Variants in CCDC57 observed in about 807,000 individuals in gnomAD.
CCDC57 encodes the protein coiled-coil domain-containing protein 57.
Under a neutral mutation model 118.9 loss-of-function variants are expected in CCDC57, and 118 were observed. The ratio of observed to expected loss-of-function variants is 0.99; its 90% CI spans 0.86 to 1.16. The LOEUF is 1.16. Ranked by LOEUF, CCDC57 falls within the 50% of genes most tolerant of loss-of-function variation. The pLI, the probability that CCDC57 is intolerant of heterozygous loss-of-function variation, is 0.00. For synonymous variants in CCDC57, 527 were observed against 532.9 expected (o/e 0.99, Z 0.15); for missense variants, 1,300 against 1,320.7 (o/e 0.98, Z 0.24).
rs201998564 is a variant in CCDC57, at chr17:82,151,395, A to G, written c.2455+165T>C. Among the ~76,000 whole-genome samples the G allele has an allele frequency of 1.1e-3, 114 of 103,432 alleles. 2 individuals carry two copies. The highest frequency in any genetic ancestry group is 3.7e-3 in the African/African-American group (100 of 27,120). 67.9% of individuals were successfully genotyped at this position (103,432 alleles called of 152,430 possible). On this transcript the variant is annotated intron_variant, in intron 16 of 19. Transcript: ENST00000665763. ...GAACCTGGCACACACCCAGAACCTGACCCACACCCAGAACCTGGCGCACCC... is the reference window on the plus strand; with the variant it reads ...GAACCTGGCACACACCCAGAACCTGGCCCACACCCAGAACCTGGCGCACCC...
At chr17:82,101,820 C>G in exon 20 of CCDC57, 1 of 1,595,518 alleles carries the variant, frequency 6.3e-7, no homozygotes, top group Non-Finnish European at 8.5e-7. Context: ...CAATGCCTGC[C>G]TGCATCTTGA....
In CCDC57 at chr17:82,110,796, G is replaced by A. The variant is rs569268591; in HGVS notation, c.2900-8930C>T. Among the ~76,000 whole-genome samples, 35 of 152,040 alleles carry A rather than the reference G, an allele frequency of 2.3e-4. 1 individual carries two copies. The highest frequency in any genetic ancestry group is 3.7e-4 in the Non-Finnish European group (25 of 68,012). On this transcript the variant is annotated intron_variant, in intron 19 of 19. Transcript: ENST00000665763. ...TCCCAGTACTTTGGGAGGCCGAGGC[G>A]GGCGGATCACCTGAGGTCAGGAGTT...
intron 16 of CCDC57, among the ~76,000 whole-genome samples, chr17:82,148,551 G>A (rs1415509559): frequency 9.8e-6 from 1 of 102,272 alleles, no homozygotes. Context: ...GTGGATGGAT[G>A]GATGGATAGA....
chr17:82,143,690 C>T (rs2040334231), intron 16 of CCDC57, among the ~76,000 whole-genome samples: 1 of 152,074 alleles, frequency 6.6e-6, no homozygotes, highest in Admixed American at 6.6e-5. Flanking sequence ...AAAATTTGGT[C>T]CTAAAATTTA....
chr17:82,188,317 C>T (rs1230029679), exon 8 of CCDC57: 2 of 1,605,374 alleles, frequency 1.2e-6, no homozygotes, highest in Non-Finnish European at 1.7e-6. Flanking sequence ...CCTGCAGCTC[C>T]AGAACCCTGG....
intron 9 of CCDC57, 60 bp from the exon 9 acceptor site, chr17:82,179,249 GC>G: frequency 1.3e-6 from 2 of 1,552,730 alleles, no homozygotes; most frequent in Non-Finnish European, 1.7e-6. Flanking sequence ...CACAGGAAAA[GC>G]AGAGGCACGA....
At chr17:82,157,679 A>G (rs956129489) in intron 15 of CCDC57, 69 bp downstream of exon 14, 9 of 1,510,120 alleles carry the variant, frequency 6.0e-6, no homozygotes, top group Admixed American at 2.1e-5. Context: ...ACGCTGGCAG[A>G]GCACAGGCAA....
chr17:82,138,803 C>T (rs886547094), intron 16 of CCDC57, among the ~76,000 whole-genome samples: 6 of 152,004 alleles, frequency 3.9e-5, no homozygotes, highest in East Asian at 1.9e-4. Context: ...GTGCCCACGG[C>T]GCTTCTCTTC....
chr17:82,176,419 T>C (rs893249893), intron 11 of CCDC57, among the ~76,000 whole-genome samples: 1 of 152,226 alleles, frequency 6.6e-6, no homozygotes, highest in Non-Finnish European at 1.5e-5. Flanking sequence ...TGTTCTCCCT[T>C]ACCTCAAGTA....
At chr17:82,178,437 T>C (rs760665106) in intron 11 of CCDC57, 37 bp downstream of exon 10, 1 of 1,560,948 alleles carries the variant, frequency 6.4e-7, no homozygotes, top group Non-Finnish European at 8.7e-7. Context: ...CCGCTGCTGT[T>C]GAGCAAAGTT....
intron 16 of CCDC57, among the ~76,000 whole-genome samples, chr17:82,142,050 T>C (rs2040082981): frequency 6.6e-6 from 1 of 152,216 alleles, no homozygotes; most frequent in South Asian, 2.1e-4. Flanking sequence ...TTTGTGCTTT[T>C]TTGACCTTTC....
chr17:82,109,082 T>C (rs1178143667), intron 19 of CCDC57: 1 of 152,242 alleles, frequency 6.6e-6, no homozygotes, highest in Non-Finnish European at 1.5e-5. Context: ...GCACAGGGCT[T>C]CCTAAACAGG....
intron 19 of CCDC57, among the ~76,000 whole-genome samples, chr17:82,122,086 C>A (rs1290724027): frequency 6.6e-6 from 1 of 152,164 alleles, no homozygotes; most frequent in Non-Finnish European, 1.5e-5. Flanking sequence ...GCCCTCTTCA[C>A]TCTCTCCCGG....
chr17:82,212,357 A>G lies in CCDC57; in HGVS notation c.-211+428T>C, dbSNP rs1423414988. On this transcript the variant is annotated intron_variant, in intron 1 of 19. Transcript: ENST00000665763. This position sits in a 1 kb window ranked among gnomAD's most constrained non-coding sequence, Gnocchi z 4.1. ...CCTCTGCCTCCCAAAGTGCTGGATTACAGGCGCGAACCACCGCCTCCGGCC... is the reference window on the plus strand; with the variant it reads ...CCTCTGCCTCCCAAAGTGCTGGATTGCAGGCGCGAACCACCGCCTCCGGCC... 6.7e-6 allele frequency among the ~76,000 whole-genome samples: 1 copy of G among 149,320 alleles called. No homozygotes were observed. The highest frequency in any genetic ancestry group is 1.5e-5 in the Non-Finnish European group (1 of 67,704).
chr17:82,206,649 A>T (rs1296349675), intron 2 of CCDC57, among the ~76,000 whole-genome samples: 2 of 152,076 alleles, frequency 1.3e-5, no homozygotes, highest in East Asian at 3.9e-4. Flanking sequence ...TTTATAATAA[A>T]CTGTTACACG....
intron 14 of CCDC57, among the ~76,000 whole-genome samples, chr17:82,160,822 C>T (rs1265535132): frequency 7.8e-5 from 11 of 141,752 alleles, no homozygotes; most frequent in Admixed American, 6.9e-4. Context: ...TGCAGTCAGC[C>T]GAGATCACGC....
At chr17:82,137,036 CAG>C (rs1354582414) in intron 16 of CCDC57, among the ~76,000 whole-genome samples, 7 of 100,280 alleles carry the variant, frequency 7.0e-5, no homozygotes, top group Non-Finnish European at 9.4e-5. Flanking sequence ...TTTTTTGAGA[CAG>C]AGTCTTGCTC....
intron 19 of CCDC57, chr17:82,113,409 C>G (rs745725737): frequency 2.8e-6 from 2 of 717,550 alleles, no homozygotes; most frequent in South Asian, 1.5e-5. Context: ...AGCAATGGGA[C>G]TAGAACGACA....
chr17:82,199,419 A>C (rs944346345), intron 3 of CCDC57, among the ~76,000 whole-genome samples: 1 of 144,358 alleles, frequency 6.9e-6, no homozygotes, highest in Non-Finnish European at 1.5e-5. Flanking sequence ...CAGAGGTTGC[A>C]GTGATCCGAG....
Sources: allele counts gnomAD v4.1 joint callset (sites outside exome capture counted in the v4.1 genomes callset), GRCh38; gene constraint gnomAD v4.1.1; non-coding constraint Gnocchi (gnomAD v3.1); transcripts MANE v1.5; gene names NCBI Gene and HGNC (gene_info 2026-07-23, HGNC 2026-07-21).